The following FOXP4 variants were observed in gnomAD, a reference collection of about 807,000 sequenced individuals.
FOXP4 encodes forkhead box protein P4.
In FOXP4, 25 loss-of-function variants were observed where a neutral mutation model predicts 82.6. The observed-to-expected ratio is 0.30, with a 90% CI of 0.22 to 0.42. FOXP4 has a LOEUF of 0.42. Among genes scored for constraint, FOXP4 ranks in the 10% least tolerant of loss-of-function variants. FOXP4 has a pLI of 1.00. For missense variants in FOXP4, 785 were observed against 900.9 expected, an observed-to-expected ratio of 0.87 and a Z score of 1.65; for synonymous variants, 415 against 388.2, an observed-to-expected ratio of 1.07 and a Z score of -0.81.
chr6:41,554,784 C>T (rs1406089274), intron 1 of FOXP4, among the ~76,000 whole-genome samples: 1 of 151,234 alleles, frequency 6.6e-6, no homozygotes, highest in Admixed American at 6.6e-5. Flanking sequence ...TGCTTGAACC[C>T]GGGAGGCGGA....
At chr6:41,588,824 G>C (rs1020022610) in intron 9 of FOXP4, 93 bp downstream of exon 9, 1 of 1,410,404 alleles carries the variant, frequency 7.1e-7, no homozygotes, top group African/African-American at 1.4e-5. Flanking sequence ...TGTTGGGAGG[G>C]TCTCATGGAA....
At chr6:41,559,945 A>G (rs1279007383) in intron 1 of FOXP4, among the ~76,000 whole-genome samples, 2 of 151,918 alleles carry the variant, frequency 1.3e-5, no homozygotes, top group Non-Finnish European at 2.9e-5. Context: ...CAGGTCTGCA[A>G]CCCCCTGATT....
chr6:41,550,881 G>C (rs1763958208), intron 1 of FOXP4, among the ~76,000 whole-genome samples: 1 of 152,160 alleles, frequency 6.6e-6, no homozygotes, highest in African/African-American at 2.4e-5. Context: ...GAGATTTCTA[G>C]GGTTTGGAAA....
At chr6:41,586,119 C>CT (rs921880285) in intron 5 of FOXP4, among the ~76,000 whole-genome samples, 15 of 152,146 alleles carry the variant, frequency 9.9e-5, no homozygotes, top group Admixed American at 2.0e-4. Flanking sequence ...GCCCCAAGCT[C>CT]TAAGTTTCCT....
intron 13 of FOXP4, among the ~76,000 whole-genome samples, chr6:41,594,099 A>G (rs994971433): frequency 5.3e-5 from 8 of 152,094 alleles, no homozygotes; most frequent in Non-Finnish European, 8.8e-5. Flanking sequence ...TGAGGGGGGA[A>G]TTGGGCCAAG....
intron 4 of FOXP4, 108 bp from the exon 5 acceptor site, chr6:41,585,323 G>C: frequency 8.6e-7 from 1 of 1,160,766 alleles, no homozygotes; most frequent in South Asian, 1.5e-5. Flanking sequence ...GCCAGACCAT[G>C]TTTTAGGGAA....
intron 3 of FOXP4, among the ~76,000 whole-genome samples, chr6:41,582,815 C>G (rs1189627017): frequency 6.6e-6 from 1 of 152,098 alleles, no homozygotes; most frequent in African/African-American, 2.4e-5. Context: ...GGATCTCAGC[C>G]TCATCAGCCC....
At chr6:41,556,566 T>C (rs967960473) in intron 1 of FOXP4, among the ~76,000 whole-genome samples, 7 of 152,200 alleles carry the variant, frequency 4.6e-5, no homozygotes, top group Admixed American at 6.5e-5. Context: ...CCTTGTGATC[T>C]GCCCGCCTTG....
rs1227726474 is a variant in FOXP4, at chr6:41,577,989, C to T, written c.208C>T (p.Leu70Phe). Residue 70 changes from leucine to phenylalanine, a missense_variant, in exon 3 of 17, where the codon CTC becomes TTC. Coordinates refer to ENST00000307972, the MANE Select transcript of FOXP4 (RefSeq NM_001012426.2). ...ELLHFQQQQA[L>F]QVARQFLLQQ... ...TGACTCAGCCCCTGTCTTGCAGGCT[C>T]TCCAAGTGGCCCGGCAGTTCCTGCT... The T allele has an allele frequency of 6.2e-7, 1 of 1,612,122 alleles. No individual in the cohort carries two copies. The highest frequency in any genetic ancestry group is 8.5e-7 in the Non-Finnish European group (1 of 1,179,900).
chr6:41,557,568 A>C (rs1764344724), intron 1 of FOXP4, among the ~76,000 whole-genome samples: 1 of 152,216 alleles, frequency 6.6e-6, no homozygotes, highest in Non-Finnish European at 1.5e-5. Flanking sequence ...GACCATTAGA[A>C]ACTGTTGCTT....
At chr6:41,551,322 C>T (rs528371969) in intron 1 of FOXP4, among the ~76,000 whole-genome samples, 1 of 152,296 alleles carries the variant, frequency 6.6e-6, no homozygotes, top group South Asian at 2.1e-4. Flanking sequence ...CTGGGCCTGG[C>T]GAATGCCCTC....
In FOXP4 at chr6:41,579,510, C is replaced by T. The variant is rs1765678843; in HGVS notation, c.300+1429C>T. On this transcript the variant is annotated intron_variant, in intron 3 of 16. Transcript: ENST00000307972. ...AACGTTCCCCCAAACCAGAAAGGGG[C>T]TGCTGACCCAGGGGTAGGAGGGTAG... Among the ~76,000 whole-genome samples the T allele has an allele frequency of 2.0e-5, 3 of 152,166 alleles. No individual in the cohort carries two copies. The South Asian group carries it at 6.2e-4, about 32-fold the overall frequency.
At position 41,597,814 on chromosome 6, in the gene FOXP4, A is replaced by G. The variant is rs776436968; in HGVS notation, c.1759A>G (p.Asn587Asp). The change falls in exon 16 of 17, where the codon AAC becomes GAC. Residue 587 changes from asparagine to aspartate, a missense_variant. Physicochemically the swap from Asn to Asp is conservative, Grantham distance 23. Around this residue, in one of 3 missense-constraint regions of FOXP4, gnomAD observed 184 missense variants for 187.3 expected, o/e 0.98. Transcript: ENST00000307972. ...GGCCGAGAGCAGCTTCCCCCTCCTC[A>G]ACAGCCCTGGCATGCTGAACCCTGG... Reference protein sequence around the residue: ...ALAESSFPLLNSPGMLNPGSA... With the variant: ...ALAESSFPLLDSPGMLNPGSA... The G allele has an allele frequency of 2.5e-6, 4 of 1,607,254 alleles. No individual in the cohort carries two copies. The highest frequency in any genetic ancestry group is 1.1e-5 in the South Asian group (1 of 90,528).
At chr6:41,576,552 C>G (rs916643810) in intron 2 of FOXP4, among the ~76,000 whole-genome samples, 1 of 152,086 alleles carries the variant, frequency 6.6e-6, no homozygotes, top group African/African-American at 2.4e-5. Context: ...TGAGAGAGAG[C>G]CACAGGCGGG....
chr6:41,556,435 T>G (rs2127322700), intron 1 of FOXP4, among the ~76,000 whole-genome samples: 1 of 151,770 alleles, frequency 6.6e-6, no homozygotes, highest in South Asian at 2.1e-4. Flanking sequence ...ACCATTCTCC[T>G]GCCTCAGTCT....
At position 41,594,740 on chromosome 6, in the gene FOXP4, C is replaced by G. The variant is rs149357383; in HGVS notation, c.1537-130C>G. The stretch of plus-strand genomic sequence containing the variant: ...GCTGGGTCTCCTCCCAGCCCACCCC[C>G]CTCCCCTGCTCATCCCTGAGCTGGG... On this transcript the variant is annotated intron_variant, in intron 13 of 16. Transcript: ENST00000307972. 2,442 of 1,405,912 alleles carry G rather than the reference C, an allele frequency of 1.7e-3. 19 individuals are homozygous for G. The African/African-American group carries it at 0.021, about 12-fold the overall frequency. 87.1% of individuals were successfully genotyped at this position (1,405,912 alleles called of 1,614,324 possible).
rs1766640499 is a variant in FOXP4 at position 41,593,564 on chromosome 6, A to G, written c.1537-1306A>G. Among the ~76,000 whole-genome samples, 1 of 152,166 alleles carries G rather than the reference A, an allele frequency of 6.6e-6. No individual in the cohort carries two copies. The highest frequency in any genetic ancestry group is 1.5e-5 in the Non-Finnish European group (1 of 68,016). On this transcript the variant is annotated intron_variant, in intron 13 of 16. Transcript: ENST00000307972. The surrounding 1 kb of genome is among the most constrained non-coding windows in gnomAD (Gnocchi z 4.1). The stretch of plus-strand genomic sequence containing the variant: ...GAGGGAAAAAAGCCCCGGTGAGGCC[A>G]TCCTCGGAAATTGGGGTCATTCTCA...
chr6:41,589,643 C>T, intron 9 of FOXP4, 128 bp from the exon 10 acceptor site: 1 of 916,722 alleles, frequency 1.1e-6, no homozygotes, highest in Non-Finnish European at 1.7e-6. Flanking sequence ...AGCATGGATG[C>T]TGAGGCAAGG....
intron 1 of FOXP4, among the ~76,000 whole-genome samples, chr6:41,556,611 A>C (rs1764293304): frequency 6.6e-6 from 1 of 152,216 alleles, no homozygotes; most frequent in South Asian, 2.1e-4. Flanking sequence ...GGTGTGAGCC[A>C]CCGCGCCCGG....
Sources: gnomAD v4.1 joint callset for allele counts (sites outside exome capture counted in the v4.1 genomes callset) on GRCh38, gnomAD v4.1.1 for gene constraint, gnomAD v4.1.1 regional missense constraint, Gnocchi (gnomAD v3.1) non-coding constraint, MANE v1.5 for transcripts, NCBI Gene and HGNC (gene_info 2026-07-23, HGNC 2026-07-21) for gene names.